UBE3A: variants seen among roughly 807,000 people sequenced by gnomAD.
The protein encoded by UBE3A is ubiquitin-protein ligase E3A.
A neutral mutation model predicts 83.4 loss-of-function variants in UBE3A; 6 were observed. That is an observed-to-expected ratio of 0.07 (90% confidence interval 0.04 to 0.14). The LOEUF is 0.14. Among genes scored for constraint, UBE3A ranks in the 10% least tolerant of loss-of-function variants. The pLI is 1.00. For missense variants in UBE3A, 456 were observed against 1,036.1 expected, an observed-to-expected ratio of 0.44 and a Z score of 7.69; for synonymous variants, 337 against 355.4, an observed-to-expected ratio of 0.95 and a Z score of 0.58.
At chr15:25,351,533 G>A (rs988762954) in intron 11 of UBE3A, among the ~76,000 whole-genome samples, 1 of 152,124 alleles carries the variant, frequency 6.6e-6, no homozygotes, top group African/African-American at 2.4e-5. Context: ...GCAGTGGCAC[G>A]ATCTAGGCTC....
chr15:25,398,183 A>T, intron 4 of UBE3A, among the ~76,000 whole-genome samples: 1 of 151,118 alleles, frequency 6.6e-6, no homozygotes, highest in Non-Finnish European at 1.5e-5. Context: ...AAAAAAAAAA[A>T]AAAAAAAACA....
intron 1 of UBE3A, among the ~76,000 whole-genome samples, chr15:25,426,071 A>G (rs1312030681): frequency 6.6e-6 from 1 of 152,128 alleles, no homozygotes; most frequent in Non-Finnish European, 1.5e-5. Context: ...TTATTTACCT[A>G]CTAACTACAG....
chr15:25,426,719 A>G (rs140796320), intron 1 of UBE3A, among the ~76,000 whole-genome samples: 41 of 152,364 alleles, frequency 2.7e-4, no homozygotes, highest in Non-Finnish European at 5.3e-4. Context: ...CACTTGATAG[A>G]AAACTGTTGT....
chr15:25,395,167 C>T (rs2085272179), intron 4 of UBE3A, among the ~76,000 whole-genome samples: 1 of 152,114 alleles, frequency 6.6e-6, no homozygotes, highest in African/African-American at 2.4e-5. Flanking sequence ...CCATTTTAGA[C>T]AGAGATGAGC....
chr15:25,382,392 A>G (rs2082336395), intron 4 of UBE3A, among the ~76,000 whole-genome samples: 2 of 144,120 alleles, frequency 1.4e-5, no homozygotes, highest in Non-Finnish European at 3.0e-5. Flanking sequence ...TGCGTGATAT[A>G]TGATAAAAAA....
At position 25,437,850 on chromosome 15, in the gene UBE3A, A is replaced by AG. The variant is rs571132075; in HGVS notation, c.-165+638dup. ...ATCCTTTTCATTTTCTACACTGAAAAGGGGGGGGAAAAAAGGCCAACTGCT... is the reference window on the plus strand; with the variant it reads ...ATCCTTTTCATTTTCTACACTGAAAAGGGGGGGGGAAAAAAGGCCAACTGCT... On this transcript the variant is annotated intron_variant, in intron 1 of 12. Coordinates refer to ENST00000648336, the MANE Select transcript of UBE3A (RefSeq NM_130839.5). Among the ~76,000 whole-genome samples, 17,912 of 151,528 alleles carry AG rather than the reference A, an allele frequency of 0.12. 1,168 individuals are homozygous for AG. Among genetic ancestry groups the AG allele is most frequent in the Middle Eastern group, 0.23 (68 of 294 alleles).
At chr15:25,367,229 TTGTAAATA>T (rs1222498715) in intron 6 of UBE3A, among the ~76,000 whole-genome samples, 5 of 79,728 alleles carry the variant, frequency 6.3e-5, no homozygotes, top group South Asian at 3.7e-4. Context: ...ATTTACATAT[TTGTAAATA>T]TGTAAATATT....
At chr15:25,409,252 A>T in intron 2 of UBE3A, 45 bp from the exon 3 acceptor site, 1 of 594,106 alleles carries the variant, frequency 1.7e-6, no homozygotes, top group Non-Finnish European at 2.9e-6. Context: ...TTAATATATA[A>T]ACCCAATTCA....
intron 6 of UBE3A, among the ~76,000 whole-genome samples, chr15:25,367,126 T>C (rs941306360): frequency 6.6e-5 from 10 of 150,746 alleles, no homozygotes; most frequent in Non-Finnish European, 1.3e-4. Flanking sequence ...CTAAGAAAAA[T>C]GAGAAATTAT....
chr15:25,401,548 T>G (rs1453666903), intron 4 of UBE3A, among the ~76,000 whole-genome samples: 1 of 152,204 alleles, frequency 6.6e-6, no homozygotes, highest in East Asian at 1.9e-4. Context: ...TAGGAATTTA[T>G]CCATTTCTTC....
At chr15:25,396,019 A>G (rs2085480885) in intron 4 of UBE3A, among the ~76,000 whole-genome samples, 1 of 152,054 alleles carries the variant, frequency 6.6e-6, no homozygotes, top group African/African-American at 2.4e-5. Context: ...CCTGGCCAAT[A>G]TGGTGAAACT....
intron 1 of UBE3A, among the ~76,000 whole-genome samples, chr15:25,412,176 C>T (rs938433996): frequency 9.2e-5 from 14 of 152,240 alleles, no homozygotes; most frequent in African/African-American, 3.4e-4. Context: ...GTGCTTTCAG[C>T]AGGCAAAGCC....
intron 1 of UBE3A, among the ~76,000 whole-genome samples, chr15:25,437,575 T>A (rs1033428807): frequency 3.3e-5 from 5 of 152,324 alleles, no homozygotes; most frequent in Non-Finnish European, 7.3e-5. Context: ...AAACCCCATA[T>A]GCTATTAGTT....
chr15:25,433,233 C>T (rs1893999027), intron 1 of UBE3A, among the ~76,000 whole-genome samples: 1 of 150,654 alleles, frequency 6.6e-6, no homozygotes. Flanking sequence ...CACTCTGTCG[C>T]CAGGCAGTAG....
chr15:25,377,481 T>A (rs1448173827), intron 4 of UBE3A, among the ~76,000 whole-genome samples: 1 of 152,104 alleles, frequency 6.6e-6, no homozygotes, highest in Non-Finnish European at 1.5e-5. Context: ...TTTAGCACTA[T>A]GCAAAATATG....
intron 2 of UBE3A, 108 bp downstream of exon 2, chr15:25,411,800 A>G (rs1178395797): frequency 1.3e-5 from 2 of 152,200 alleles, no homozygotes; most frequent in East Asian, 3.8e-4. Context: ...CACCTGACAC[A>G]ATGCTTTAAA....
intron 4 of UBE3A, among the ~76,000 whole-genome samples, chr15:25,384,687 T>G (rs963153288): frequency 6.6e-6 from 1 of 151,962 alleles, no homozygotes; most frequent in Non-Finnish European, 1.5e-5. Context: ...ATACAGAATC[T>G]TGAAGGACCC....
chr15:25,402,191 G>A (rs1480866031), intron 4 of UBE3A, among the ~76,000 whole-genome samples: 1 of 152,132 alleles, frequency 6.6e-6, no homozygotes, highest in African/African-American at 2.4e-5. Context: ...GACTTTATTG[G>A]GTAAAGCCCT....
At position 25,355,912 on chromosome 15, in the gene UBE3A, T is replaced by C. The variant is rs751477028; in HGVS notation, c.2104A>G (p.Ile702Val). The change falls in exon 9 of 13, where the codon ATT becomes GTT. Residue 702 changes from isoleucine to valine, a missense_variant. Ile to Val is a conservative substitution (Grantham distance 29). Transcript: ENST00000648336. ...ATTACCTTCCTGTTTTCATTTGTAA[T>C]TGGAATTTTATCACCATTTTCCTTT... ...DLKENGDKIPITNENRKEFVN... is the reference protein window; with the variant it reads ...DLKENGDKIPVTNENRKEFVN... The C allele has an allele frequency of 3.7e-6, 6 of 1,613,192 alleles. No individual in the cohort carries two copies. Among genetic ancestry groups the C allele is most frequent in the Non-Finnish European group, 5.1e-6 (6 of 1,179,658 alleles).
Sources: gnomAD v4.1 joint callset for allele counts (sites outside exome capture counted in the v4.1 genomes callset) on GRCh38, gnomAD v4.1.1 for gene constraint, MANE v1.5 for transcripts, NCBI Gene and HGNC (gene_info 2026-07-23, HGNC 2026-07-21) for gene names.